GNAQ: variants seen among roughly 807,000 people sequenced by gnomAD.
GNAQ encodes G protein subunit alpha q.
GNAQ carries 8 observed loss-of-function variants against 43.9 expected under a neutral mutation model. That is an observed-to-expected ratio of 0.18 (90% CI 0.11 to 0.33). The LOEUF is 0.33. GNAQ is among the 10% of genes least tolerant of loss of function. The pLI is 1.00. For synonymous variants in GNAQ, 155 were observed against 170.7 expected (o/e 0.91, Z 0.71); for missense variants, 158 against 450.8 (o/e 0.35, Z 5.88).
At chr9:77,760,575 C>T (rs542067295) in intron 5 of GNAQ, among the ~76,000 whole-genome samples, 6,252 of 152,034 alleles carry the variant, frequency 0.041, 275 homozygotes, top group African/African-American at 0.14. Context: ...ACCTCCCAGC[C>T]GCCTGCCTTG....
At chr9:77,736,622 C>T (rs995932609) in intron 5 of GNAQ, among the ~76,000 whole-genome samples, 2 of 152,086 alleles carry the variant, frequency 1.3e-5, no homozygotes, top group Non-Finnish European at 2.9e-5. Flanking sequence ...AGCAATAAGT[C>T]GCGGTCACAT....
chr9:77,896,116 T>C (rs992667419), intron 2 of GNAQ, among the ~76,000 whole-genome samples: 6 of 152,186 alleles, frequency 3.9e-5, no homozygotes, highest in Non-Finnish European at 8.8e-5. Flanking sequence ...TGATCACAGA[T>C]TTTATTTACA....
chr9:77,935,081 C>T (rs1223291274), intron 1 of GNAQ, among the ~76,000 whole-genome samples: 2 of 152,150 alleles, frequency 1.3e-5, no homozygotes, highest in South Asian at 4.1e-4. Flanking sequence ...GCCAAGATTG[C>T]ACCACTGCCC....
chr9:77,974,650 C>A (rs1202508003), intron 1 of GNAQ, among the ~76,000 whole-genome samples: 1 of 152,166 alleles, frequency 6.6e-6, no homozygotes, highest in South Asian at 2.1e-4. Context: ...ACCCAGGATG[C>A]AAGGCTGCCT....
At chr9:77,745,370 T>C (rs1018087430) in intron 5 of GNAQ, among the ~76,000 whole-genome samples, 1 of 152,058 alleles carries the variant, frequency 6.6e-6, no homozygotes, top group Non-Finnish European at 1.5e-5. Context: ...CAGAAAATAC[T>C]GAGACCTAAG....
At chr9:77,935,300 G>A (rs1031115861) in intron 1 of GNAQ, among the ~76,000 whole-genome samples, 1 of 152,076 alleles carries the variant, frequency 6.6e-6, no homozygotes, top group Non-Finnish European at 1.5e-5. Flanking sequence ...CATAGTACCT[G>A]CTGGGGGGTC....
intron 2 of GNAQ, among the ~76,000 whole-genome samples, chr9:77,851,468 G>C (rs949122757): frequency 2.0e-5 from 3 of 152,198 alleles, no homozygotes; most frequent in African/African-American, 7.2e-5. Context: ...AGAGCTGGAC[G>C]TATGCTCTGA....
rs186970021 is a variant in GNAQ at position 77,939,811 on chromosome 9, G to A, written c.137-17466C>T. Among the ~76,000 whole-genome samples, 315 of 152,214 alleles carry A rather than the reference G, an allele frequency of 2.1e-3. 1 individual carries two copies. Among genetic ancestry groups the A allele is most frequent in the African/African-American group, 7.3e-3 (302 of 41,530 alleles). On this transcript the variant is annotated intron_variant, in intron 1 of 6. Transcript: ENST00000286548. Reference sequence around the variant, plus strand: ...TAATATGTTGGGTGTTTTGAAACATGGCCATTGAACTCTTTTGCATATTAA... The same window carrying A: ...TAATATGTTGGGTGTTTTGAAACATAGCCATTGAACTCTTTTGCATATTAA...
intron 2 of GNAQ, among the ~76,000 whole-genome samples, chr9:77,838,441 C>A (rs1392325940): frequency 6.6e-6 from 1 of 151,904 alleles, no homozygotes; most frequent in Non-Finnish European, 1.5e-5. Flanking sequence ...CACGCCCAGC[C>A]AAGATCCTTA....
At chr9:77,803,505 G>A (rs1022013935) in intron 3 of GNAQ, among the ~76,000 whole-genome samples, 7 of 152,148 alleles carry the variant, frequency 4.6e-5, no homozygotes, top group Admixed American at 3.3e-4. Flanking sequence ...GAAAAGTGAG[G>A]GAACACAGAC....
chr9:77,869,955 G>A (rs776275890), intron 2 of GNAQ, among the ~76,000 whole-genome samples: 11 of 152,196 alleles, frequency 7.2e-5, no homozygotes, highest in Non-Finnish European at 1.5e-4. Context: ...ATATCTACAT[G>A]TGTATAGACA....
At chr9:77,725,138 T>A (rs772387400) in intron 6 of GNAQ, among the ~76,000 whole-genome samples, 32 of 152,268 alleles carry the variant, frequency 2.1e-4, no homozygotes, top group South Asian at 4.1e-4. Context: ...CCAAGTTCAC[T>A]GAAGTGTACT....
chr9:77,723,088 C>T (rs1825342379), intron 6 of GNAQ, among the ~76,000 whole-genome samples: 1 of 152,078 alleles, frequency 6.6e-6, no homozygotes, highest in South Asian at 2.1e-4. Flanking sequence ...AAAAAATAGG[C>T]AAAAGACTTG....
chr9:77,857,700 C>T (rs1827780810), intron 2 of GNAQ, among the ~76,000 whole-genome samples: 1 of 146,200 alleles, frequency 6.8e-6, no homozygotes, highest in East Asian at 2.0e-4. Flanking sequence ...GAAAGGAAGA[C>T]AGGAAAGGGA....
chr9:77,910,766 T>C (rs570869465), intron 2 of GNAQ, among the ~76,000 whole-genome samples: 1 of 152,218 alleles, frequency 6.6e-6, no homozygotes, highest in Non-Finnish European at 1.5e-5. Flanking sequence ...TTTTCCAGAC[T>C]ATGTAATTCT....
intron 1 of GNAQ, among the ~76,000 whole-genome samples, chr9:77,960,620 A>G (rs761099638): frequency 3.3e-5 from 5 of 152,190 alleles, no homozygotes; most frequent in Non-Finnish European, 7.3e-5. Context: ...TAGCCCAGAG[A>G]GGGCGGAGTC....
At position 77,719,004 on chromosome 9, in the gene GNAQ, T is replaced by C. The variant is rs1365396479; in HGVS notation, c.*2319A>G. 2 of 232,342 alleles carry C rather than the reference T, an allele frequency of 8.6e-6. No individual in the cohort carries two copies. Among genetic ancestry groups the C allele is most frequent in the Non-Finnish European group, 1.7e-5 (2 of 117,574 alleles). The allele number at this position is 232,342 out of a possible 1,614,324, so 14.4% of individuals were successfully genotyped here. A position where few individuals can be genotyped will look rare whatever the true frequency, so the allele number is the denominator to read the frequency against. ...TGTATAAAAGCTCCGACTGATTTTA[T>C]GTATTTTGCTATGAAATTACCTTTG... On this transcript the variant is annotated 3_prime_UTR_variant, in exon 7 of 7. Transcript: ENST00000286548.
At chr9:77,758,798 T>C (rs532606099) in intron 5 of GNAQ, among the ~76,000 whole-genome samples, 34 of 152,314 alleles carry the variant, frequency 2.2e-4, no homozygotes, top group African/African-American at 7.7e-4. Flanking sequence ...TGCTTGATGT[T>C]CATTTTGTTT....
chr9:77,853,774 C>CAAAAAA (rs34924714), intron 2 of GNAQ, among the ~76,000 whole-genome samples: 2 of 56,740 alleles, frequency 3.5e-5, no homozygotes, highest in African/African-American at 6.9e-5. Context: ...AAATTACTAC[C>CAAAAAA]AAAAAAAAAA....
Sources: allele counts gnomAD v4.1 joint callset (sites outside exome capture counted in the v4.1 genomes callset), GRCh38; gene constraint gnomAD v4.1.1; transcripts MANE v1.5; gene names NCBI Gene and HGNC (gene_info 2026-07-23, HGNC 2026-07-21).